Variants in CFAP100 observed in about 807,000 individuals in gnomAD.
CFAP100 encodes the protein cilia and flagella associated protein 100.
Under a neutral mutation model 81.5 loss-of-function variants are expected in CFAP100, and 70 were observed. That is an observed-to-expected ratio of 0.86 (90% confidence interval 0.71 to 1.05). CFAP100 has a LOEUF of 1.05. Ranked by LOEUF, CFAP100 falls within the 50% of genes least tolerant of loss-of-function variation. The pLI, the probability that CFAP100 is intolerant of heterozygous loss-of-function variation, is 0.00. For missense variants in CFAP100, 811 were observed against 776.5 expected (o/e 1.04, Z -0.53); for synonymous variants, 341 against 314.8 (o/e 1.08, Z -0.88).
At chr3:126,417,072 G>C (rs988769108) in intron 5 of CFAP100, among the ~76,000 whole-genome samples, 2 of 152,180 alleles carry the variant, frequency 1.3e-5, no homozygotes, top group Non-Finnish European at 2.9e-5. Flanking sequence ...GTGTACAGTG[G>C]GCGCAGGCTG....
At chr3:126,397,398 T>C (rs2082905959) in intron 2 of CFAP100, among the ~76,000 whole-genome samples, 1 of 152,174 alleles carries the variant, frequency 6.6e-6, no homozygotes, top group Non-Finnish European at 1.5e-5. Flanking sequence ...TGGAATAAGG[T>C]TTAAAAACAA....
intron 14 of CFAP100, chr3:126,433,910 A>G (rs1933342170): frequency 2.1e-6 from 1 of 473,362 alleles, no homozygotes; most frequent in Admixed American, 3.9e-5. Context: ...GGAGGAGGGG[A>G]CTGGGCCCCG....
rs142806745 is a variant in CFAP100 at position 126,425,789 on chromosome 3, C to T, written c.1286+2145C>T. Reference sequence around the variant, plus strand: ...CAAAACTTAACATAATCTGTCATATCCACATGTTAAATAAGAAAAGTCACA... The same window carrying T: ...CAAAACTTAACATAATCTGTCATATTCACATGTTAAATAAGAAAAGTCACA... On this transcript the variant is annotated intron_variant, in intron 13 of 16. Transcript: ENST00000352312. Among the ~76,000 whole-genome samples the T allele has an allele frequency of 4.7e-3, 718 of 152,290 alleles. 5 individuals are homozygous for T. The highest frequency in any genetic ancestry group is 0.016 in the African/African-American group (668 of 41,558).
chr3:126,405,533 C>T (rs2083049194), intron 2 of CFAP100, among the ~76,000 whole-genome samples: 1 of 152,078 alleles, frequency 6.6e-6, no homozygotes, highest in African/African-American at 2.4e-5. Flanking sequence ...GGTGGTGGTG[C>T]ACACCTGTAG....
chr3:126,405,553 C>T (rs1002329768), intron 2 of CFAP100, among the ~76,000 whole-genome samples: 2 of 152,106 alleles, frequency 1.3e-5, no homozygotes, highest in East Asian at 1.9e-4. Context: ...GTCCCAGCTA[C>T]TTGGGAGGCT....
chr3:126,417,902 G>A (rs1009825341), intron 5 of CFAP100, among the ~76,000 whole-genome samples: 1 of 152,246 alleles, frequency 6.6e-6, no homozygotes, highest in Admixed American at 6.5e-5. Flanking sequence ...CCAGGGAAAG[G>A]GGCCCCTATG....
At chr3:126,421,217 T>C (rs1008295446) in intron 11 of CFAP100, among the ~76,000 whole-genome samples, 121 of 152,276 alleles carry the variant, frequency 7.9e-4, no homozygotes, top group Admixed American at 2.4e-3. Context: ...TTGGGCAGGC[T>C]GGTCTCAAAC....
chr3:126,435,068 TCC>T (rs1179141714), intron 15 of CFAP100, among the ~76,000 whole-genome samples: 1 of 152,056 alleles, frequency 6.6e-6, no homozygotes, highest in African/African-American at 2.4e-5. Flanking sequence ...CATCCATCCG[TCC>T]CCCCAAGCAC....
At chr3:126,396,110 G>A (rs2082884328) in intron 2 of CFAP100, 61 bp downstream of exon 2, 2 of 1,296,910 alleles carry the variant, frequency 1.5e-6, no homozygotes, top group South Asian at 1.2e-5. Flanking sequence ...AGCCTGTCCA[G>A]CTCCCTCACA....
At chr3:126,434,865 A>G (rs1933380958) in intron 15 of CFAP100, among the ~76,000 whole-genome samples, 1 of 152,172 alleles carries the variant, frequency 6.6e-6, no homozygotes, top group African/African-American at 2.4e-5. Flanking sequence ...AGCGGAAGAC[A>G]AAGTGCAGAG....
chr3:126,411,667 C>T (rs2083158966), intron 3 of CFAP100, among the ~76,000 whole-genome samples: 1 of 151,910 alleles, frequency 6.6e-6, no homozygotes. Flanking sequence ...CAGGAATTTA[C>T]CAGTTTCCTC....
intron 15 of CFAP100, chr3:126,434,610 G>A (rs1041241178): frequency 1.1e-5 from 6 of 536,362 alleles, no homozygotes; most frequent in African/African-American, 7.6e-5. Context: ...GATGTGGCCA[G>A]GAGGCTCAGG....
At chr3:126,435,151 G>A (rs562526499) in intron 15 of CFAP100, among the ~76,000 whole-genome samples, 2 of 152,294 alleles carry the variant, frequency 1.3e-5, no homozygotes, top group South Asian at 2.1e-4. Flanking sequence ...ATGACTGAGA[G>A]TATATATAGG....
intron 4 of CFAP100, among the ~76,000 whole-genome samples, chr3:126,414,574 G>A (rs556879401): frequency 6.6e-6 from 1 of 152,306 alleles, no homozygotes; most frequent in African/African-American, 2.4e-5. Flanking sequence ...ACCCCCTGCT[G>A]CTCAGGCCTT....
Position 126,398,310 on chromosome 3 carries a change from T to C in CFAP100, c.49+2261T>C, listed in dbSNP as rs557543358. Among the ~76,000 whole-genome samples, 35 of 152,324 alleles carry C rather than the reference T, an allele frequency of 2.3e-4. No homozygotes were observed. The South Asian group carries it at 7.0e-3, about 31-fold the overall frequency. On this transcript the variant is annotated intron_variant, in intron 2 of 16. Coordinates refer to ENST00000352312, the MANE Select transcript of CFAP100 (RefSeq NM_182628.3). ...CGCGTGGACTTGTCAGGAGAGGGCCTGCGGCTGGTCCCTCTGGGCCAGAAC... is the reference window on the plus strand; with the variant it reads ...CGCGTGGACTTGTCAGGAGAGGGCCCGCGGCTGGTCCCTCTGGGCCAGAAC...
At chr3:126,403,061 CA>C (rs1156832114) in intron 2 of CFAP100, among the ~76,000 whole-genome samples, 7 of 152,012 alleles carry the variant, frequency 4.6e-5, no homozygotes, top group African/African-American at 1.7e-4. Flanking sequence ...TGGCCAAGGC[CA>C]GGGGTGGAGC....
At chr3:126,410,013 C>T (rs2083129886) in intron 3 of CFAP100, among the ~76,000 whole-genome samples, 1 of 152,110 alleles carries the variant, frequency 6.6e-6, no homozygotes, top group East Asian at 1.9e-4. Flanking sequence ...CCAGCCTGAA[C>T]AATATGATGA....
chr3:126,419,953 T>G, intron 9 of CFAP100, 27 bp from the exon 10 acceptor site: 1 of 1,612,840 alleles, frequency 6.2e-7, no homozygotes, highest in South Asian at 1.1e-5. Flanking sequence ...GCTGAGGCCA[T>G]CGGGGCCCCC....
At position 126,417,566 on chromosome 3, in the gene CFAP100, G is replaced by A. The variant is rs185904323; in HGVS notation, c.419-892G>A. Among the ~76,000 whole-genome samples, 166 of 152,274 alleles carry A rather than the reference G, an allele frequency of 1.1e-3. 1 individual carries two copies. Among genetic ancestry groups the A allele is most frequent in the African/African-American group, 3.4e-3 (141 of 41,564 alleles). The stretch of plus-strand genomic sequence containing the variant: ...GGAATGGGGGTTAGACGGGGAGACA[G>A]CATGGCCTGTTCTTTTTCCTGCCTC... On this transcript the variant is annotated intron_variant, in intron 5 of 16. Transcript: ENST00000352312.
Sources: gnomAD v4.1 joint callset for allele counts (sites outside exome capture counted in the v4.1 genomes callset) on GRCh38, gnomAD v4.1.1 for gene constraint, MANE v1.5 for transcripts, NCBI Gene and HGNC (gene_info 2026-07-23, HGNC 2026-07-21) for gene names.